ANK3: variants seen among roughly 807,000 people sequenced by gnomAD.
The protein encoded by ANK3 is ankyrin 3, also known as ankyrin-3.
ANK3 carries 57 observed loss-of-function variants against 370.9 expected under a neutral mutation model. The observed-to-expected ratio is 0.15, with a 90% confidence interval of 0.12 to 0.19. The LOEUF is 0.19. Ranked by LOEUF, ANK3 falls within the 10% of genes least tolerant of loss-of-function variation. The pLI, the probability that ANK3 is intolerant of heterozygous loss-of-function variation, is 1.00. For missense variants in ANK3, 4,439 were observed against 5,302.1 expected, an observed-to-expected ratio of 0.84 and a Z score of 5.06; for synonymous variants, 1,929 against 1,946.3, an observed-to-expected ratio of 0.99 and a Z score of 0.23.
intron 1 of ANK3, among the ~76,000 whole-genome samples, chr10:60,688,244 T>C (rs1448494532): frequency 2.0e-5 from 3 of 152,100 alleles, no homozygotes; most frequent in Non-Finnish European, 4.4e-5. Flanking sequence ...TTTTTGTATT[T>C]TAGTAGAGAC....
chr10:60,641,352 G>T lies in ANK3; in HGVS notation c.58-26128C>A, dbSNP rs1022990742. ...ATCCTAAGCCAAAAGAACAAAGCTG[G>T]AGGCATCACGCTACCCGACTTCAAA... On this transcript the variant is annotated intron_variant, in intron 1 of 43. Coordinates refer to the ANK3 transcript ENST00000373827. Among the ~76,000 whole-genome samples the T allele has an allele frequency of 5.3e-5, 8 of 152,106 alleles. 2 individuals carry two copies. Among genetic ancestry groups the T allele is most frequent in the Admixed American group, 4.6e-4 (7 of 15,266 alleles).
intron 2 of ANK3, among the ~76,000 whole-genome samples, chr10:60,471,694 A>G (rs1262628752): frequency 6.6e-6 from 1 of 151,878 alleles, no homozygotes; most frequent in Non-Finnish European, 1.5e-5. Context: ...ACATTTTAAA[A>G]CCCCCATCAT....
At chr10:60,547,636 G>A (rs1180820957) in intron 2 of ANK3, among the ~76,000 whole-genome samples, 3 of 151,506 alleles carry the variant, frequency 2.0e-5, no homozygotes, top group African/African-American at 4.8e-5. Context: ...TGTCAGGGGA[G>A]GGTGGGGAGG....
rs1040839894 is a variant in ANK3 at position 60,208,347 on chromosome 10, C to G, written c.997-114G>C. 4 of 894,958 alleles carry G rather than the reference C, an allele frequency of 4.5e-6. No individual in the cohort carries two copies. The African/African-American group carries it at 5.1e-5, about 11-fold the overall frequency. The allele number at this position is 894,958 out of a possible 1,614,324, so 55.4% of individuals were successfully genotyped here. The stretch of plus-strand genomic sequence containing the variant: ...ACTCCAGTTCTTCACATGAAAATAC[C>G]TTCTATTTGTAAAAGCTTTTGACAA... On this transcript the variant is annotated intron_variant, in intron 9 of 43. Transcript: ENST00000280772.
chr10:60,369,852 C>T (rs2059876185), intron 1 of ANK3, among the ~76,000 whole-genome samples: 2 of 152,086 alleles, frequency 1.3e-5, no homozygotes, highest in Non-Finnish European at 2.9e-5. Context: ...TATACAATGT[C>T]AGGTTAATGA....
intron 2 of ANK3, among the ~76,000 whole-genome samples, chr10:60,444,414 T>C (rs1419126651): frequency 6.8e-6 from 1 of 147,048 alleles, no homozygotes; most frequent in Non-Finnish European, 1.5e-5. Context: ...AAACATTATA[T>C]GTATATATAA....
chr10:60,172,650 A>AT (rs901311100), intron 20 of ANK3, among the ~76,000 whole-genome samples: 5 of 151,652 alleles, frequency 3.3e-5, no homozygotes, highest in East Asian at 1.9e-4. Flanking sequence ...AACCAACACA[A>AT]TTTTTTTTTC....
chr10:60,166,461 T>C, intron 23 of ANK3, 130 bp downstream of exon 23: 1 of 706,684 alleles, frequency 1.4e-6, no homozygotes, highest in South Asian at 2.0e-5. Flanking sequence ...ATTTAAATAA[T>C]ACACAAATTA....
intron 2 of ANK3, among the ~76,000 whole-genome samples, chr10:60,478,674 A>G (rs1264442605): frequency 6.6e-6 from 1 of 152,132 alleles, no homozygotes; most frequent in African/African-American, 2.4e-5. Flanking sequence ...ACTTTCATTG[A>G]CAGAACTACT....
chr10:60,180,009 CTCTG>C (rs368738059), intron 18 of ANK3, among the ~76,000 whole-genome samples: 3,639 of 151,972 alleles, frequency 0.024, 145 homozygotes, highest in African/African-American at 0.083. Context: ...CTCTCTCTCT[CTCTG>C]TGTGTGAATA....
chr10:60,158,685 C>CTTTTTCTTTTTTT (rs1555028777), intron 23 of ANK3, among the ~76,000 whole-genome samples: 7 of 132,756 alleles, frequency 5.3e-5, no homozygotes, highest in Admixed American at 1.6e-4. Flanking sequence ...CACTTTTTTT[C>CTTTTTCTTTTTTT]TTTTTTTTGA....
intron 2 of ANK3, chr10:60,572,735 A>C: frequency 7.3e-7 from 1 of 1,366,374 alleles, no homozygotes; most frequent in Non-Finnish European, 9.4e-7. Flanking sequence ...CCTCAGGAAG[A>C]AACTGGGTGT....
intron 42 of ANK3, among the ~76,000 whole-genome samples, chr10:60,051,229 A>G (rs553139914): frequency 6.6e-6 from 1 of 152,342 alleles, no homozygotes; most frequent in Non-Finnish European, 1.5e-5. Flanking sequence ...AAATGCCAAG[A>G]ATTCTCAAAT....
At chr10:60,472,352 C>A (rs2065240009) in intron 2 of ANK3, among the ~76,000 whole-genome samples, 1 of 152,108 alleles carries the variant, frequency 6.6e-6, no homozygotes, top group Non-Finnish European at 1.5e-5. Context: ...CATAGATTTC[C>A]AGTAACAATT....
rs2097149806 is a variant in ANK3 at position 60,226,489 on chromosome 10, ACATATACTATAG to A, written c.897+8187_897+8198del. Among the ~76,000 whole-genome samples, 3 of 94,286 alleles carry A rather than the reference ACATATACTATAG, an allele frequency of 3.2e-5. No homozygotes were observed. The South Asian group carries it at 8.3e-4, about 26-fold the overall frequency. The allele number at this position is 94,286 out of a possible 152,430, so 61.9% of individuals were successfully genotyped here. On this transcript the variant is annotated intron_variant, in intron 8 of 43. Transcript: ENST00000280772. ...TACATAGTATATATACTATATATAT[ACATATACTATAG>A]TATATATACATAGTATATATACTAT...
intron 2 of ANK3, among the ~76,000 whole-genome samples, chr10:60,454,004 A>G (rs748125469): frequency 2.6e-5 from 4 of 152,230 alleles, no homozygotes; most frequent in Non-Finnish European, 5.9e-5. Context: ...TAAACAATGA[A>G]TCAAACAGCT....
chr10:60,319,826 A>G (rs1249595726), intron 1 of ANK3, among the ~76,000 whole-genome samples: 3 of 152,216 alleles, frequency 2.0e-5, no homozygotes, highest in Non-Finnish European at 2.9e-5. Flanking sequence ...CCCATAAACC[A>G]TGCCTCTTCA....
At chr10:60,039,132 T>C (rs910562871) in intron 43 of ANK3, among the ~76,000 whole-genome samples, 22 of 152,230 alleles carry the variant, frequency 1.4e-4, no homozygotes, top group African/African-American at 5.3e-4. Flanking sequence ...CTATTGTATA[T>C]CTAGTCCTTC....
At chr10:60,261,789 C>T in intron 7 of ANK3, 70 bp downstream of exon 7, 1 of 1,381,030 alleles carries the variant, frequency 7.2e-7, no homozygotes, top group Non-Finnish European at 1.0e-6. Context: ...CCAACATCCT[C>T]ATGTTGGGGA....
Sources: gnomAD v4.1 joint callset for allele counts (sites outside exome capture counted in the v4.1 genomes callset) on GRCh38, gnomAD v4.1.1 for gene constraint, MANE v1.5 for transcripts, NCBI Gene and HGNC (gene_info 2026-07-23, HGNC 2026-07-21) for gene names.